The following CHLSN variants were observed in gnomAD, a reference collection of about 807,000 sequenced individuals.
CHLSN encodes the protein protein cholesin.
the CHLSN span, among the ~76,000 whole-genome samples, chr7:1,108,474 C>G: frequency 6.6e-6 from 1 of 152,196 alleles, no homozygotes; most frequent in African/African-American, 2.4e-5. Context: ...GCGGACTCCA[C>G]GAATCTCACG....
At chr7:1,136,396 A>G in the CHLSN span, among the ~76,000 whole-genome samples, 1 of 111,776 alleles carries the variant, frequency 8.9e-6, no homozygotes, top group Non-Finnish European at 1.7e-5. Flanking sequence ...AAACATATAT[A>G]TAAATATATA....
the CHLSN span, chr7:1,009,924 G>A: frequency 2.0e-6 from 3 of 1,513,462 alleles, no homozygotes; most frequent in Non-Finnish European, 2.6e-6. Context: ...GTCCGGGACA[G>A]AACCGCGTGG....
chr7:1,092,857 A>T, the CHLSN span: 1 of 1,611,448 alleles, frequency 6.2e-7, no homozygotes, highest in Non-Finnish European at 8.5e-7. Context: ...TGCCGTGTAG[A>T]CAGCCTTGGC....
the CHLSN span, among the ~76,000 whole-genome samples, chr7:1,107,316 G>A: frequency 6.6e-6 from 1 of 152,030 alleles, no homozygotes; most frequent in African/African-American, 2.4e-5. Context: ...AGCTATGCAC[G>A]GGTCAACAAA....
At chr7:1,002,394 G>A in the CHLSN span, among the ~76,000 whole-genome samples, 1 of 124,140 alleles carries the variant, frequency 8.1e-6, no homozygotes, top group Non-Finnish European at 1.7e-5. Flanking sequence ...GAGTCCTGTG[G>A]GTGAGTGGAG....
At chr7:1,133,610 C>T in the CHLSN span, among the ~76,000 whole-genome samples, 8 of 151,502 alleles carry the variant, frequency 5.3e-5, no homozygotes, top group East Asian at 3.9e-4. Context: ...AAAAATTAGC[C>T]GGGCGTGGTG....
the CHLSN span, among the ~76,000 whole-genome samples, chr7:1,059,733 G>T: frequency 1.5e-3 from 60 of 38,730 alleles, no homozygotes; most frequent in Middle Eastern, 0.02. Flanking sequence ...CGGGTCTTAG[G>T]GGGGCGGGTC....
the CHLSN span, among the ~76,000 whole-genome samples, chr7:1,113,039 C>T: frequency 6.6e-6 from 1 of 152,216 alleles, no homozygotes; most frequent in Admixed American, 6.5e-5. Context: ...CAGGATCCTC[C>T]TGTATCTTGA....
chr7:1,114,944 C>G, the CHLSN span, among the ~76,000 whole-genome samples: 2 of 152,358 alleles, frequency 1.3e-5, no homozygotes, highest in Non-Finnish European at 2.9e-5. Context: ...GCAGCCTTCC[C>G]AGCAACCCCA....
the CHLSN span, among the ~76,000 whole-genome samples, chr7:1,066,006 A>G: frequency 6.6e-6 from 1 of 152,222 alleles, no homozygotes; most frequent in African/African-American, 2.4e-5. Context: ...GCCGAGGACC[A>G]GAGCGCCTGG....
chr7:1,014,744 C>CCA, the CHLSN span, among the ~76,000 whole-genome samples: 1 of 152,276 alleles, frequency 6.6e-6, no homozygotes, highest in East Asian at 1.9e-4. Flanking sequence ...ACTGTGAACA[C>CCA]CACATGCACA....
chr7:995,148 G>A, the CHLSN span, among the ~76,000 whole-genome samples: 2 of 152,246 alleles, frequency 1.3e-5, no homozygotes, highest in African/African-American at 4.8e-5. Flanking sequence ...AGCACATGTG[G>A]CCCGACGTGG....
At chr7:1,089,707 CTTTTTTT>C in the CHLSN span, among the ~76,000 whole-genome samples, 12,264 of 124,156 alleles carry the variant, frequency 0.099, 663 homozygotes, top group South Asian at 0.13. Context: ...ATAGGCCAGC[CTTTTTTT>C]TTTTTTTTTT....
At chr7:1,070,888 A>ACACGTGCACACACATGCACG in the CHLSN span, among the ~76,000 whole-genome samples, 1 of 149,164 alleles carries the variant, frequency 6.7e-6, no homozygotes, top group Non-Finnish European at 1.5e-5. Context: ...GCACATGCAC[A>ACACGTGCACACACATGCACG]CACGTGCACA....
chr7:1,066,305 G>A, the CHLSN span, among the ~76,000 whole-genome samples: 1 of 152,240 alleles, frequency 6.6e-6, no homozygotes, highest in South Asian at 2.1e-4. Context: ...ATCCGGCGGG[G>A]CTCCTACGGG....
chr7:986,161 C>T, the CHLSN span, among the ~76,000 whole-genome samples: 1 of 152,198 alleles, frequency 6.6e-6, no homozygotes, highest in African/African-American at 2.4e-5. Context: ...CGCGGACGCC[C>T]CAGGAAGGCG....
the CHLSN span, chr7:1,028,469 G>C: frequency 1.0e-6 from 1 of 985,514 alleles, no homozygotes; most frequent in Non-Finnish European, 1.2e-6. Context: ...GGGGGTGGGA[G>C]AGCCGGGGCG....
chr7:1,090,911 C>G, the CHLSN span, among the ~76,000 whole-genome samples: 2 of 152,208 alleles, frequency 1.3e-5, no homozygotes, highest in East Asian at 3.8e-4. Context: ...GAGGAAACCG[C>G]TGAACTTCTG....
chr7:1,105,994 G>A, the CHLSN span, among the ~76,000 whole-genome samples: 1 of 151,466 alleles, frequency 6.6e-6, no homozygotes, highest in Non-Finnish European at 1.5e-5. Flanking sequence ...GGGGAGAGGA[G>A]AGAGGTGAAG....
Sources: allele counts gnomAD v4.1 joint callset (sites outside exome capture counted in the v4.1 genomes callset), GRCh38; gene constraint gnomAD v4.1.1; transcripts MANE v1.5; gene names NCBI Gene and HGNC (gene_info 2026-07-23, HGNC 2026-07-21).